NMT2: variants seen among roughly 807,000 people sequenced by gnomAD.
NMT2 encodes the protein glycylpeptide N-tetradecanoyltransferase 2.
Under a neutral mutation model 65.4 loss-of-function variants are expected in NMT2, and 35 were observed. That is an observed-to-expected ratio of 0.54 (90% CI 0.41 to 0.71). The LOEUF is 0.71. NMT2 is among the 30% of genes least tolerant of loss of function. The pLI is 0.00. For synonymous variants in NMT2, 226 were observed against 231.8 expected (o/e 0.98, Z 0.23); for missense variants, 489 against 611.3 (o/e 0.80, Z 2.11).
At chr10:15,164,999 A>G (rs1833329567) in intron 1 of NMT2, among the ~76,000 whole-genome samples, 1 of 152,154 alleles carries the variant, frequency 6.6e-6, no homozygotes, top group African/African-American at 2.4e-5. Context: ...TCCTGTCTCT[A>G]TTAAAAATAC....
At chr10:15,109,536 A>C (rs10906830) in intron 11 of NMT2, among the ~76,000 whole-genome samples, 166 bp downstream of exon 11, 11,581 of 152,204 alleles carry the variant, frequency 0.076, 722 homozygotes, top group African/African-American at 0.18. Flanking sequence ...ATGCCATTGC[A>C]CTCCAGCCTG....
intron 9 of NMT2, among the ~76,000 whole-genome samples, chr10:15,116,962 A>C (rs1477011536): frequency 6.6e-6 from 1 of 152,242 alleles, no homozygotes; most frequent in Non-Finnish European, 1.5e-5. Context: ...AGATCATTTC[A>C]ACTGGAGAAT....
intron 1 of NMT2, among the ~76,000 whole-genome samples, chr10:15,146,136 T>A (rs753829519): frequency 1.3e-5 from 2 of 152,022 alleles, no homozygotes; most frequent in Non-Finnish European, 2.9e-5. Flanking sequence ...ACTTGAAAGG[T>A]CCACAAAGAA....
intron 9 of NMT2, among the ~76,000 whole-genome samples, chr10:15,118,499 A>G (rs1401701014): frequency 1.3e-5 from 2 of 152,182 alleles, no homozygotes; most frequent in East Asian, 3.8e-4. Flanking sequence ...AGATTGTGCC[A>G]CTGCACTCCA....
chr10:15,155,409 T>C (rs1346477009), intron 1 of NMT2: 6 of 581,526 alleles, frequency 1.0e-5, no homozygotes, highest in Non-Finnish European at 1.8e-5. Context: ...CACTCTGTCA[T>C]CCAGGCTGAA....
At chr10:15,143,748 C>T (rs928376973) in intron 1 of NMT2, among the ~76,000 whole-genome samples, 5 of 152,172 alleles carry the variant, frequency 3.3e-5, no homozygotes, top group African/African-American at 7.2e-5. Flanking sequence ...GTGGTGCCAG[C>T]TACTTGGGAG....
intron 9 of NMT2, among the ~76,000 whole-genome samples, chr10:15,113,425 G>C (rs529036640): frequency 7.7e-6 from 1 of 130,274 alleles, no homozygotes; most frequent in East Asian, 2.4e-4. Flanking sequence ...AGCCAAGATT[G>C]TGTCACTGCA....
At position 15,107,292 on chromosome 10, in the gene NMT2, G is replaced by A. The variant is rs1430829459; in HGVS notation, c.*1903C>T. 1.1e-6 allele frequency: 1 copy of A among 938,992 alleles called. No homozygotes were observed. Among genetic ancestry groups the A allele is most frequent in the East Asian group, 1.2e-4 (1 of 8,590 alleles). The allele number at this position is 938,992 out of a possible 1,614,324, so 58.2% of individuals were successfully genotyped here. ...TGGGCTACACAAAAATAAGCAATGG[G>A]CTGGATTTAGCCCACAGGCCATAGT... On this transcript the variant is annotated 3_prime_UTR_variant, in exon 12 of 12. Coordinates refer to ENST00000378165, the MANE Select transcript of NMT2 (RefSeq NM_004808.3).
Position 15,135,289 on chromosome 10 carries a change from GTTGTGTGTCCCAAAACTGGTAT to G in NMT2, c.354_375del (p.Arg118SerfsTer6). On this transcript the variant is annotated frameshift_variant, in exon 3 of 12. Coordinates refer to ENST00000378165, the MANE Select transcript of NMT2 (RefSeq NM_004808.3). LOFTEE classifies it high-confidence loss of function. ...AAAAACTTACCTAGTTTTGGTACCG[GTTGTGTGTCCCAAAACTGGTAT>G]CTGTGCTTTGCAGCCTCATCAATGT... 6.2e-7 allele frequency: 1 copy of G among 1,614,064 alleles called. No individual in the cohort carries two copies. The highest frequency in any genetic ancestry group is 1.1e-5 in the South Asian group (1 of 91,072).
intron 1 of NMT2, among the ~76,000 whole-genome samples, chr10:15,166,632 A>C (rs189363534): frequency 1.3e-5 from 2 of 152,338 alleles, no homozygotes. Flanking sequence ...CCATTATGTT[A>C]ATCTTTTCCC....
intron 8 of NMT2, among the ~76,000 whole-genome samples, chr10:15,121,659 A>G (rs1387790789): frequency 2.6e-5 from 4 of 152,042 alleles, no homozygotes; most frequent in Non-Finnish European, 5.9e-5. Flanking sequence ...GAGCCACCAC[A>G]CTAGGCCAAG....
intron 2 of NMT2, among the ~76,000 whole-genome samples, chr10:15,136,265 G>A (rs1416930762): frequency 6.8e-6 from 1 of 147,738 alleles, no homozygotes; most frequent in African/African-American, 2.5e-5. Flanking sequence ...GAAGGGAAAG[G>A]GAAGGGAAGG....
At chr10:15,152,963 A>C (rs1832854216) in intron 1 of NMT2, among the ~76,000 whole-genome samples, 2 of 152,246 alleles carry the variant, frequency 1.3e-5, no homozygotes, top group Admixed American at 1.3e-4. Context: ...ACTGTCTACT[A>C]ATAGGGGATG....
chr10:15,115,589 G>A (rs1845716804), intron 9 of NMT2, among the ~76,000 whole-genome samples: 1 of 152,196 alleles, frequency 6.6e-6, no homozygotes, highest in African/African-American at 2.4e-5. Context: ...GTAGACTTAA[G>A]CTCTACCATA....
chr10:15,121,716 G>C (rs552099760), intron 8 of NMT2, among the ~76,000 whole-genome samples: 3 of 152,272 alleles, frequency 2.0e-5, no homozygotes, highest in African/African-American at 7.2e-5. Context: ...ACTATTAGCT[G>C]TGCTGGGGTT....
intron 9 of NMT2, 51 bp from the exon 10 acceptor site, chr10:15,113,014 C>T (rs749460180): frequency 1.7e-5 from 26 of 1,530,236 alleles, no homozygotes; most frequent in Middle Eastern, 1.7e-4. Flanking sequence ...CAACTGCATA[C>T]GTGCATTTCC....
intron 8 of NMT2, among the ~76,000 whole-genome samples, chr10:15,123,874 T>C (rs1053113768): frequency 1.3e-5 from 2 of 152,170 alleles, no homozygotes; most frequent in Non-Finnish European, 2.9e-5. Flanking sequence ...GAAATGAAGC[T>C]CAGAGCTCTA....
At chr10:15,136,332 GAGAGAAAGA>G (rs1195068493) in intron 2 of NMT2, among the ~76,000 whole-genome samples, 1 of 147,198 alleles carries the variant, frequency 6.8e-6, no homozygotes, top group African/African-American at 2.5e-5. Context: ...GAGAGAGACA[GAGAGAAAGA>G]AAAGAAAAGA....
chr10:15,119,249 G>T (rs973509888), intron 9 of NMT2, 94 bp downstream of exon 9: 2 of 1,072,844 alleles, frequency 1.9e-6, no homozygotes, highest in Admixed American at 2.0e-5. Context: ...GTTCTGTGAT[G>T]AAATAGAAGG....
Sources: gnomAD v4.1 joint callset for allele counts (sites outside exome capture counted in the v4.1 genomes callset) on GRCh38, gnomAD v4.1.1 for gene constraint, MANE v1.5 for transcripts, NCBI Gene and HGNC (gene_info 2026-07-23, HGNC 2026-07-21) for gene names.